GLB1: variants seen among roughly 807,000 people sequenced by gnomAD.
GLB1 encodes galactosidase beta 1.
Under a neutral mutation model 74.0 loss-of-function variants are expected in GLB1, and 56 were observed. That is an observed-to-expected ratio of 0.76 (90% CI 0.61 to 0.94). GLB1 has a LOEUF of 0.94. Ranked by LOEUF, GLB1 falls within the 40% of genes least tolerant of loss-of-function variation. The pLI is 0.00. For synonymous variants in GLB1, 323 were observed against 323.6 expected (o/e 1.00, Z 0.02); for missense variants, 787 against 845.5 (o/e 0.93, Z 0.86).
At chr3:33,053,918 C>A (rs1575454297) in intron 6 of GLB1, among the ~76,000 whole-genome samples, 1 of 152,128 alleles carries the variant, frequency 6.6e-6, no homozygotes, top group Admixed American at 6.6e-5. Context: ...GAGGCTGAGG[C>A]AGGAGAATTG....
Position 33,045,219 on chromosome 3 carries a change from T to TAG in GLB1, c.1068+899_1068+900dup, listed in dbSNP as rs370877665. On this transcript the variant is annotated intron_variant, in intron 10 of 15. Transcript: ENST00000307363. ...CCCAGTTTTACAAATTAACAATCAGTAGACTGATTTGCTCATAGACTCACT... is the reference window on the plus strand; with the variant it reads ...CCCAGTTTTACAAATTAACAATCAGTAGAGACTGATTTGCTCATAGACTCACT... 3.8e-5 allele frequency: 19 copies of TAG among 495,808 alleles called. No individual in the cohort carries two copies. In the East Asian group the frequency reaches 3.0e-3, roughly 77 times the overall value. The allele number at this position is 495,808 out of a possible 1,614,324, so 30.7% of individuals were successfully genotyped here. A position where few individuals can be genotyped will look rare whatever the true frequency, so the allele number is the denominator to read the frequency against.
At chr3:33,047,597 C>T (rs1698793735) in intron 9 of GLB1, among the ~76,000 whole-genome samples, 1 of 152,194 alleles carries the variant, frequency 6.6e-6, no homozygotes, top group Non-Finnish European at 1.5e-5. Flanking sequence ...AGTCTTTTGT[C>T]CAACCTAATT....
chr3:33,062,187 A>G (rs912007338), intron 5 of GLB1, among the ~76,000 whole-genome samples: 9 of 152,142 alleles, frequency 5.9e-5, no homozygotes, highest in Non-Finnish European at 1.3e-4. Context: ...TTTTTGAGAC[A>G]GAGTCTCACT....
At chr3:32,979,205 A>G in the GLB1 span, among the ~76,000 whole-genome samples, 1 of 151,786 alleles carries the variant, frequency 6.6e-6, no homozygotes, top group African/African-American at 2.4e-5. Context: ...CGAACTCCCA[A>G]CCTCAGGTGA....
At chr3:33,080,305 C>A (rs1221977216) in intron 1 of GLB1, among the ~76,000 whole-genome samples, 2 of 152,180 alleles carry the variant, frequency 1.3e-5, no homozygotes, top group Non-Finnish European at 2.9e-5. Flanking sequence ...GTTTGGAGCT[C>A]CTGACCTCAG....
At chr3:32,978,021 C>A in the GLB1 span, among the ~76,000 whole-genome samples, 1 of 152,146 alleles carries the variant, frequency 6.6e-6, no homozygotes, top group Non-Finnish European at 1.5e-5. Flanking sequence ...GTTATTATCG[C>A]TAACCATTGT....
chr3:33,034,211 G>A (rs1306298326), intron 10 of GLB1: 21 of 642,204 alleles, frequency 3.3e-5, no homozygotes, highest in East Asian at 2.8e-4. Context: ...CCATGACTAC[G>A]GCCTGATCCT....
intron 9 of GLB1, 121 bp from the exon 10 acceptor site, chr3:33,046,353 G>T: frequency 8.8e-7 from 1 of 1,140,988 alleles, no homozygotes; most frequent in Non-Finnish European, 1.3e-6. Flanking sequence ...AAAACCACTT[G>T]TTGGGAGACA....
chr3:33,054,162 G>A (rs1699120699), intron 6 of GLB1, among the ~76,000 whole-genome samples: 1 of 152,148 alleles, frequency 6.6e-6, no homozygotes, highest in Non-Finnish European at 1.5e-5. Context: ...TGAATCTGCT[G>A]GCATCTTAAT....
At chr3:33,076,716 G>A (rs772443024) in intron 1 of GLB1, among the ~76,000 whole-genome samples, 10 of 152,166 alleles carry the variant, frequency 6.6e-5, no homozygotes, top group Non-Finnish European at 1.0e-4. Context: ...ATATGACTAC[G>A]TGTATATTAA....
chr3:33,053,602 T>TA, intron 6 of GLB1, 53 bp from the exon 7 acceptor site: 1 of 1,612,000 alleles, frequency 6.2e-7, no homozygotes. Flanking sequence ...GACAAGAAGT[T>TA]AAATAACAAG....
intron 1 of GLB1, chr3:33,096,319 G>A: frequency 4.4e-6 from 4 of 918,162 alleles, no homozygotes; most frequent in Non-Finnish European, 5.2e-6. Context: ...CCCACCAACT[G>A]TGCACGCCCC....
chr3:33,097,108 C>G lies in GLB1; in HGVS notation c.-23G>C. On this transcript the variant is annotated 5_prime_UTR_variant, in exon 1 of 16. Transcript: ENST00000307363. ...CATGACCACCAGCCTCCCGGCTCTG[C>G]AGTCGGCGCCCAGGCCGGCCGCTTC... 1 of 1,610,860 alleles carries G rather than the reference C, an allele frequency of 6.2e-7. No homozygotes were observed. The highest frequency in any genetic ancestry group is 8.5e-7 in the Non-Finnish European group (1 of 1,178,370).
intron 1 of GLB1, chr3:33,096,508 T>TG: frequency 1.0e-6 from 1 of 984,448 alleles, no homozygotes; most frequent in East Asian, 1.1e-4. Context: ...AGGAACAAGA[T>TG]GCACGAAGAG....
At chr3:33,063,221 A>T (rs6802807) in intron 5 of GLB1, among the ~76,000 whole-genome samples, 148,022 of 152,208 alleles carry the variant, frequency 0.97, 72,095 homozygotes, top group East Asian at 1. Flanking sequence ...AATAGGTCAC[A>T]CAGAATGAAC....
chr3:33,024,175 T>G, intron 11 of GLB1, 76 bp downstream of exon 11: 1 of 1,480,018 alleles, frequency 6.8e-7, no homozygotes, highest in Admixed American at 2.0e-5. Context: ...CACAGCACTT[T>G]CACTCACTGC....
the GLB1 span, among the ~76,000 whole-genome samples, chr3:32,972,968 G>A: frequency 6.6e-6 from 1 of 152,170 alleles, no homozygotes; most frequent in Non-Finnish European, 1.5e-5. Flanking sequence ...ATAAACTCAA[G>A]TCACAAAACA....
chr3:33,021,328 G>A (rs1697468754), intron 12 of GLB1: 2 of 569,810 alleles, frequency 3.5e-6, no homozygotes, highest in Admixed American at 6.0e-5. Flanking sequence ...TGTTGAAGCA[G>A]GTTGGGCTAC....
chr3:33,044,705 TATTC>T (rs1698671214), intron 10 of GLB1, among the ~76,000 whole-genome samples: 1 of 152,180 alleles, frequency 6.6e-6, no homozygotes, highest in Non-Finnish European at 1.5e-5. Flanking sequence ...AAATTTGTAA[TATTC>T]ATTTTAACAC....
Sources: allele counts gnomAD v4.1 joint callset (sites outside exome capture counted in the v4.1 genomes callset), GRCh38; gene constraint gnomAD v4.1.1; transcripts MANE v1.5; gene names NCBI Gene and HGNC (gene_info 2026-07-23, HGNC 2026-07-21).